Variants in BBOF1 observed in about 807,000 individuals in gnomAD.
BBOF1 encodes the protein basal body orientation factor 1.
BBOF1 carries 62 observed loss-of-function variants against 68.0 expected under a neutral mutation model. The ratio of observed to expected loss-of-function variants is 0.91; its 90% CI spans 0.74 to 1.13. The LOEUF (loss-of-function observed/expected upper bound fraction) is 1.13. BBOF1 is among the 50% of genes most tolerant of loss of function. The pLI, the probability that BBOF1 is intolerant of heterozygous loss-of-function variation, is 0.00. For missense variants in BBOF1, 534 were observed against 600.1 expected, an observed-to-expected ratio of 0.89 and a Z score of 1.15; for synonymous variants, 208 against 198.8, an observed-to-expected ratio of 1.05 and a Z score of -0.39.
At chr14:74,023,891 G>A (rs1031067079) in intron 2 of BBOF1, among the ~76,000 whole-genome samples, 2 of 149,252 alleles carry the variant, frequency 1.3e-5, no homozygotes, top group Admixed American at 6.7e-5. Context: ...ACTCCAGCCT[G>A]GCAGCCTGGG....
chr14:74,023,857 A>G (rs150126903), intron 2 of BBOF1, among the ~76,000 whole-genome samples: 2,255 of 150,970 alleles, frequency 0.015, 58 homozygotes, highest in African/African-American at 0.051. Flanking sequence ...CAGAGGTTGC[A>G]GCGAGCTGAG....
In BBOF1 at chr14:74,035,179, C is replaced by A. The variant is rs2059665747; in HGVS notation, c.495+1008C>A. Among the ~76,000 whole-genome samples, 4 of 152,036 alleles carry A rather than the reference C, an allele frequency of 2.6e-5. No homozygotes were observed. In the South Asian group the frequency reaches 8.3e-4, roughly 32 times the overall value. On this transcript the variant is annotated intron_variant, in intron 4 of 11. Transcript: ENST00000394009. ...AATATTTGTAAAGTGCATAAAATAGCACGTCACATGGTAAAAATTATATAA... is the reference window on the plus strand; with the variant it reads ...AATATTTGTAAAGTGCATAAAATAGAACGTCACATGGTAAAAATTATATAA...
At chr14:74,031,156 C>T (rs2059559724) in intron 3 of BBOF1, among the ~76,000 whole-genome samples, 1 of 151,074 alleles carries the variant, frequency 6.6e-6, no homozygotes, top group Non-Finnish European at 1.5e-5. Context: ...CTCTGTTGCC[C>T]AAGCTGGAGT....
chr14:74,060,405 A>G (rs745770617), intron 11 of BBOF1: 22 of 508,270 alleles, frequency 4.3e-5, no homozygotes, highest in Non-Finnish European at 7.1e-5. Flanking sequence ...TAAGCATTTC[A>G]TAGTTACAAC....
intron 2 of BBOF1, among the ~76,000 whole-genome samples, chr14:74,026,397 A>C (rs2059426926): frequency 7.5e-6 from 1 of 133,190 alleles, no homozygotes; most frequent in Non-Finnish European, 1.5e-5. Flanking sequence ...AGCCAAGATC[A>C]TGCCATTTTG....
At chr14:74,053,672 TCC>T (rs2139653999) in intron 8 of BBOF1, among the ~76,000 whole-genome samples, 1 of 149,508 alleles carries the variant, frequency 6.7e-6, no homozygotes, top group South Asian at 2.1e-4. Flanking sequence ...CTCCCAAAGC[TCC>T]AGGATTACAG....
intron 9 of BBOF1, 124 bp from the exon 10 acceptor site, chr14:74,056,782 A>T: frequency 1.5e-6 from 1 of 663,036 alleles, no homozygotes; most frequent in Non-Finnish European, 2.7e-6. Flanking sequence ...CCCCACAAAT[A>T]CGTATACCTA....
chr14:74,019,615 C>A, intron 1 of BBOF1, 81 bp downstream of exon 1: 2 of 1,534,816 alleles, frequency 1.3e-6, no homozygotes, highest in East Asian at 2.5e-5. Flanking sequence ...CTGGCGCCCC[C>A]CGCGCCGGCC....
intron 4 of BBOF1, among the ~76,000 whole-genome samples, chr14:74,035,465 G>A (rs1049746265): frequency 3.4e-5 from 5 of 145,754 alleles, no homozygotes; most frequent in African/African-American, 1.3e-4. Context: ...CACCCAGGCT[G>A]GAGTGCAGTG....
chr14:74,033,984 T>C, intron 3 of BBOF1, 44 bp from the exon 4 acceptor site: 3 of 1,532,016 alleles, frequency 2.0e-6, no homozygotes, highest in Non-Finnish European at 2.6e-6. Flanking sequence ...TTTGTGGGAC[T>C]TCTGTTCTTT....
intron 11 of BBOF1, among the ~76,000 whole-genome samples, chr14:74,064,308 A>AAT (rs1228566976): frequency 4.1e-5 from 6 of 147,808 alleles, no homozygotes; most frequent in African/African-American, 1.5e-4. Context: ...AAAAAAAAAA[A>AAT]AAATAATAAT....
At chr14:74,043,130 C>T (rs558735980) in intron 5 of BBOF1, among the ~76,000 whole-genome samples, 1 of 152,276 alleles carries the variant, frequency 6.6e-6, no homozygotes, top group South Asian at 2.1e-4. Context: ...CTTTATACCT[C>T]AGCATGCCCC....
chr14:74,042,608 C>T (rs923857964), intron 5 of BBOF1, among the ~76,000 whole-genome samples: 14 of 152,200 alleles, frequency 9.2e-5, no homozygotes, highest in Admixed American at 2.0e-4. Context: ...ACAACTTTCC[C>T]AGAAGCTGTT....
rs962788358 is a variant in BBOF1 at position 74,065,836 on chromosome 14, A to G, written c.*1137A>G. The G allele has an allele frequency of 5.9e-6, 1 of 170,850 alleles. No individual in the cohort carries two copies. Among genetic ancestry groups the G allele is most frequent in the African/African-American group, 2.4e-5 (1 of 41,570 alleles). 10.6% of individuals were successfully genotyped at this position (170,850 alleles called of 1,614,324 possible). On this transcript the variant is annotated 3_prime_UTR_variant, in exon 12 of 12. Coordinates refer to ENST00000394009, the MANE Select transcript of BBOF1 (RefSeq NM_025057.3). The stretch of plus-strand genomic sequence containing the variant: ...GCCTCCCAAATATGTCTGTATGTTT[A>G]TATTTTGATATCAGGTCGCAGACAC...
chr14:74,032,812 A>G (rs2059607044), intron 3 of BBOF1, among the ~76,000 whole-genome samples: 1 of 152,136 alleles, frequency 6.6e-6, no homozygotes, highest in Admixed American at 6.6e-5. Flanking sequence ...TTCTCTTATT[A>G]GGAGCTAGAT....
chr14:74,029,307 C>T (rs2059508323), intron 3 of BBOF1, 58 bp downstream of exon 3: 2 of 1,140,942 alleles, frequency 1.8e-6, no homozygotes, highest in Non-Finnish European at 2.6e-6. Context: ...TTCTGGCAAG[C>T]TCAGGTATTT....
intron 4 of BBOF1, among the ~76,000 whole-genome samples, chr14:74,036,309 G>A (rs2059698484): frequency 2.0e-5 from 3 of 152,070 alleles, no homozygotes; most frequent in South Asian, 2.1e-4. Context: ...TGCCCACCTC[G>A]GCCTCCCAAA....
At chr14:74,063,168 T>C (rs189450566) in intron 11 of BBOF1, among the ~76,000 whole-genome samples, 175 of 152,014 alleles carry the variant, frequency 1.2e-3, no homozygotes, top group African/African-American at 4.0e-3. Context: ...TGTTGGCCGA[T>C]GTGGCAATAG....
In BBOF1 at chr14:74,036,510, C is replaced by A. The variant is rs56079829; in HGVS notation, c.495+2339C>A. Among the ~76,000 whole-genome samples the A allele has an allele frequency of 5.9e-4, 89 of 152,058 alleles. 1 individual carries two copies. Among genetic ancestry groups the A allele is most frequent in the Non-Finnish European group, 9.7e-4 (66 of 67,992 alleles). On this transcript the variant is annotated intron_variant, in intron 4 of 11. Transcript: ENST00000394009. ...CCATCCTGTCCAACATGGCAAAACC[C>A]TGTCTCTACTAAAAAATCCAAAAAT...
Sources: allele counts gnomAD v4.1 joint callset (sites outside exome capture counted in the v4.1 genomes callset), GRCh38; gene constraint gnomAD v4.1.1; transcripts MANE v1.5; gene names NCBI Gene and HGNC (gene_info 2026-07-23, HGNC 2026-07-21).